Variants in RBM28 observed in about 807,000 individuals in gnomAD.
RBM28 encodes the protein RNA binding motif protein 28.
RBM28 carries 78 observed loss-of-function variants against 98.3 expected under a neutral mutation model. The ratio of observed to expected loss-of-function variants is 0.79; its 90% CI spans 0.66 to 0.96. The LOEUF is 0.96. Among genes scored for constraint, RBM28 ranks in the 40% least tolerant of loss-of-function variants. The pLI is 0.00. For synonymous variants in RBM28, 306 were observed against 330.9 expected (o/e 0.92, Z 0.82); for missense variants, 838 against 913.0 (o/e 0.92, Z 1.06).
At chr7:128,341,020 C>T (rs997390488) in intron 1 of RBM28, 1 of 566,362 alleles carries the variant, frequency 1.8e-6, no homozygotes, top group African/African-American at 2.0e-5. Flanking sequence ...AACTGTAACC[C>T]ACCTTTGCCC....
chr7:128,311,750 C>T (rs1795989888), intron 18 of RBM28, among the ~76,000 whole-genome samples: 1 of 151,714 alleles, frequency 6.6e-6, no homozygotes, highest in South Asian at 2.1e-4. Context: ...TGAAAACTAA[C>T]AGAGAGAGAG....
rs921070898 is a variant in RBM28, at chr7:128,302,184, G to C, written c.*8613C>G. 5 of 152,224 alleles carry C rather than the reference G, an allele frequency of 3.3e-5. No individual in the cohort carries two copies. The highest frequency in any genetic ancestry group is 7.3e-5 in the Non-Finnish European group (5 of 68,056). The allele number at this position is 152,224 out of a possible 1,614,324, so 9.4% of individuals were successfully genotyped here. ...TTTAGAGTGCCCGTCCTATTGCAGAGAGGGAGAGAGCAGAGACAAATGGTG... is the reference window on the plus strand; with the variant it reads ...TTTAGAGTGCCCGTCCTATTGCAGACAGGGAGAGAGCAGAGACAAATGGTG... On this transcript the variant is annotated 3_prime_UTR_variant, in exon 19 of 19. Transcript: ENST00000223073.
intron 13 of RBM28, 118 bp from the exon 14 acceptor site, chr7:128,321,542 A>T: frequency 7.8e-7 from 1 of 1,285,586 alleles, no homozygotes; most frequent in Non-Finnish European, 1.1e-6. Context: ...TAGAAAACGG[A>T]TGGAAACTGC....
chr7:128,312,828 G>A (rs1796015940), intron 18 of RBM28, among the ~76,000 whole-genome samples: 1 of 152,164 alleles, frequency 6.6e-6, no homozygotes, highest in Non-Finnish European at 1.5e-5. Flanking sequence ...GGCCTGATCA[G>A]TTAGAGATGC....
chr7:128,330,725 C>A, intron 10 of RBM28, 94 bp downstream of exon 10: 1 of 943,416 alleles, frequency 1.1e-6, no homozygotes, highest in Non-Finnish European at 1.7e-6. Flanking sequence ...CTGTGAACCC[C>A]TCAAAATGGC....
chr7:128,318,820 G>A (rs962086702), intron 14 of RBM28, among the ~76,000 whole-genome samples: 9 of 152,144 alleles, frequency 5.9e-5, no homozygotes, highest in Non-Finnish European at 1.3e-4. Flanking sequence ...ATGGAGTACT[G>A]TCCACAGATC....
chr7:128,299,764 A>T lies in RBM28; in HGVS notation c.*11033T>A, dbSNP rs962092424. The T allele has an allele frequency of 6.6e-6, 1 of 152,260 alleles. No homozygotes were observed. The highest frequency in any genetic ancestry group is 2.4e-5 in the African/African-American group (1 of 41,466). 9.4% of individuals were successfully genotyped at this position (152,260 alleles called of 1,614,324 possible). ...ACATTGGCAATAACCTGAATTTTGGAAGGGACACATTCAAACCATAGCAGA... is the reference window on the plus strand; with the variant it reads ...ACATTGGCAATAACCTGAATTTTGGTAGGGACACATTCAAACCATAGCAGA... On this transcript the variant is annotated 3_prime_UTR_variant, in exon 19 of 19. Coordinates refer to ENST00000223073, the MANE Select transcript of RBM28 (RefSeq NM_018077.3).
chr7:128,323,243 T>C (rs1443712618), intron 13 of RBM28, among the ~76,000 whole-genome samples: 1 of 152,332 alleles, frequency 6.6e-6, no homozygotes, highest in Non-Finnish European at 1.5e-5. Flanking sequence ...GACTGTCTAC[T>C]GCATGATGTA....
intron 16 of RBM28, among the ~76,000 whole-genome samples, chr7:128,316,957 C>T (rs768859689): frequency 1.4e-4 from 21 of 152,138 alleles, no homozygotes; most frequent in Admixed American, 5.2e-4. Flanking sequence ...TGTGCAATAT[C>T]AATGAGAGCT....
rs773686622 is a variant in RBM28, at chr7:128,321,444, T to C, written c.1405-20A>G. On this transcript the variant is annotated intron_variant, in intron 13 of 18. Transcript: ENST00000223073. ...CTCAAACTGAAAGAACAACCAATGG[T>C]TAACAGTACAACCCACTCTTTTTAA... is the stretch of plus-strand genomic sequence containing the variant. 6.2e-7 allele frequency: 1 copy of C among 1,613,724 alleles called. No homozygotes were observed. The highest frequency in any genetic ancestry group is 8.5e-7 in the Non-Finnish European group (1 of 1,179,862).
At position 128,335,977 on chromosome 7, in the gene RBM28, C is replaced by A. The variant is rs1435126998; in HGVS notation, c.679G>T (p.Asp227Tyr). ...SVKKKGREEE[D>Y]MEEEENDDDD... ...TCATCGTTTTCTTCCTCTTCCATATCCTCTTCCTCTCTGCCCTTCTTTTTA... is the reference window on the plus strand; with the variant it reads ...TCATCGTTTTCTTCCTCTTCCATATACTCTTCCTCTCTGCCCTTCTTTTTA... Residue 227 changes from aspartate to tyrosine, a missense_variant, in exon 7 of 19, where the codon GAT becomes TAT. Physicochemically the swap from Asp to Tyr is radical, Grantham distance 160. Transcript: ENST00000223073. 6.2e-7 allele frequency: 1 copy of A among 1,610,878 alleles called. No homozygotes were observed. Among genetic ancestry groups the A allele is most frequent in the Non-Finnish European group, 8.5e-7 (1 of 1,177,402 alleles).
chr7:128,326,220 C>T (rs971127192), intron 10 of RBM28, among the ~76,000 whole-genome samples: 8 of 39,794 alleles, frequency 2.0e-4, no homozygotes, highest in African/African-American at 5.2e-4. Flanking sequence ...AGGAGAATGG[C>T]GTAAACCTGG....
chr7:128,331,185 G>C (rs1267783539), intron 9 of RBM28, among the ~76,000 whole-genome samples: 1 of 152,120 alleles, frequency 6.6e-6, no homozygotes, highest in Non-Finnish European at 1.5e-5. Flanking sequence ...TTTCTAAACA[G>C]CGGTGCCCCC....
At chr7:128,330,757 T>C (rs1796462692) in intron 10 of RBM28, 62 bp downstream of exon 10, 3 of 1,151,410 alleles carry the variant, frequency 2.6e-6, no homozygotes, top group East Asian at 2.3e-5. Context: ...TCTCGTAACC[T>C]AGTCAGTGCC....
chr7:128,322,617 T>C (rs899822973), intron 13 of RBM28, among the ~76,000 whole-genome samples: 1 of 152,204 alleles, frequency 6.6e-6, no homozygotes, highest in Non-Finnish European at 1.5e-5. Context: ...TACCTATCAT[T>C]GAATGAGCTT....
rs1435126998 is a variant in RBM28, at chr7:128,335,977, C to T, written c.679G>A (p.Asp227Asn). 6.2e-7 allele frequency: 1 copy of T among 1,610,878 alleles called. No individual in the cohort carries two copies. The highest frequency in any genetic ancestry group is 1.1e-5 in the South Asian group (1 of 91,020). ...TCATCGTTTTCTTCCTCTTCCATATCCTCTTCCTCTCTGCCCTTCTTTTTA... is the reference window on the plus strand; with the variant it reads ...TCATCGTTTTCTTCCTCTTCCATATTCTCTTCCTCTCTGCCCTTCTTTTTA... Reference protein sequence around the residue: ...SVKKKGREEEDMEEEENDDDD... With the variant: ...SVKKKGREEENMEEEENDDDD... Residue 227 changes from aspartate to asparagine, a missense_variant, in exon 7 of 19, where the codon GAT becomes AAT. Asp to Asn is a conservative substitution (Grantham distance 23). Coordinates refer to ENST00000223073, the MANE Select transcript of RBM28 (RefSeq NM_018077.3).
At chr7:128,330,599 T>C (rs1476086464) in intron 10 of RBM28, among the ~76,000 whole-genome samples, 1 of 152,120 alleles carries the variant, frequency 6.6e-6, no homozygotes, top group Non-Finnish European at 1.5e-5. Context: ...CTCAAACTCC[T>C]GAGCTCAGGC....
chr7:128,336,996 A>C, intron 6 of RBM28, 135 bp downstream of exon 6: 1 of 924,512 alleles, frequency 1.1e-6, no homozygotes, highest in Non-Finnish European at 1.8e-6. Context: ...AATCCACCCA[A>C]AGTGCTGGAA....
At chr7:128,334,548 A>G (rs1796556011) in intron 8 of RBM28, among the ~76,000 whole-genome samples, 1 of 152,248 alleles carries the variant, frequency 6.6e-6, no homozygotes, top group African/African-American at 2.4e-5. Context: ...ATCAGAATAA[A>G]AACAGCTGAA....
Sources: gnomAD v4.1 joint callset for allele counts (sites outside exome capture counted in the v4.1 genomes callset) on GRCh38, gnomAD v4.1.1 for gene constraint, MANE v1.5 for transcripts, NCBI Gene and HGNC (gene_info 2026-07-23, HGNC 2026-07-21) for gene names.